Variants in G2E3 observed in about 807,000 individuals in gnomAD.
G2E3 encodes the protein G2/M-phase specific E3 ubiquitin protein ligase.
In G2E3, 35 loss-of-function variants were observed where a neutral mutation model predicts 92.8. That is an observed-to-expected ratio of 0.38 (90% CI 0.29 to 0.50). The LOEUF is 0.50. Among genes scored for constraint, G2E3 ranks in the 20% least tolerant of loss-of-function variants. The pLI is 0.94. For synonymous variants in G2E3, 242 were observed against 272.4 expected, an observed-to-expected ratio of 0.89 and a Z score of 1.10; for missense variants, 554 against 823.8, an observed-to-expected ratio of 0.67 and a Z score of 4.01.
chr14:30,563,372 ATAAAGCCCCATACCACT>A, intron 1 of G2E3, among the ~76,000 whole-genome samples: 1 of 152,154 alleles, frequency 6.6e-6, no homozygotes, highest in Admixed American at 6.5e-5. Flanking sequence ...TCTAAGGGAC[ATAAAGCCCCATACCACT>A]TAAAGTCCCA....
At chr14:30,573,618 A>G (rs896871973) in intron 1 of G2E3, 11 of 152,168 alleles carry the variant, frequency 7.2e-5, no homozygotes, top group African/African-American at 2.7e-4. Flanking sequence ...TATAGGTTCC[A>G]GTCCGGATCT....
intron 1 of G2E3, among the ~76,000 whole-genome samples, chr14:30,573,234 C>G (rs1439260857): frequency 1.3e-5 from 2 of 152,030 alleles, no homozygotes; most frequent in Non-Finnish European, 2.9e-5. Context: ...CATTGAATGT[C>G]TTTCTTCTAA....
At chr14:30,575,540 A>G (rs1880030276) in intron 1 of G2E3, among the ~76,000 whole-genome samples, 1 of 152,202 alleles carries the variant, frequency 6.6e-6, no homozygotes, top group Admixed American at 6.5e-5. Flanking sequence ...CAAGAGAAGG[A>G]AATAAAGGGC....
chr14:30,598,814 G>A (rs1313367778), intron 8 of G2E3, among the ~76,000 whole-genome samples: 5 of 152,106 alleles, frequency 3.3e-5, no homozygotes, highest in African/African-American at 7.2e-5. Context: ...GTCTTATCAC[G>A]AGACTATTTT....
intron 13 of G2E3, among the ~76,000 whole-genome samples, chr14:30,613,389 T>G (rs1882179498): frequency 6.6e-6 from 1 of 152,226 alleles, no homozygotes. Flanking sequence ...TAGTTACTAT[T>G]ACTACTGAAG....
chr14:30,597,379 A>G, intron 6 of G2E3, 41 bp from the exon 7 acceptor site: 2 of 964,222 alleles, frequency 2.1e-6, no homozygotes, highest in South Asian at 2.6e-5. Flanking sequence ...CTGATAACAG[A>G]TTTAAATCAT....
At chr14:30,610,224 G>A (rs1431045380) in intron 12 of G2E3, among the ~76,000 whole-genome samples, 1 of 152,172 alleles carries the variant, frequency 6.6e-6, no homozygotes, top group Non-Finnish European at 1.5e-5. Context: ...GTGAAGCAAA[G>A]TATCTGCCTT....
intron 1 of G2E3, among the ~76,000 whole-genome samples, chr14:30,575,138 C>G (rs1879998928): frequency 6.6e-6 from 1 of 152,086 alleles, no homozygotes; most frequent in African/African-American, 2.4e-5. Context: ...GAGATGGTAT[C>G]TCATTGTAGT....
chr14:30,568,846 A>G (rs1879590038), intron 1 of G2E3, among the ~76,000 whole-genome samples: 1 of 152,002 alleles, frequency 6.6e-6, no homozygotes, highest in South Asian at 2.1e-4. Flanking sequence ...GTGCAATAAT[A>G]CTACTGGCTT....
chr14:30,605,840 A>G (rs367755885), intron 11 of G2E3, 28 bp downstream of exon 11: 21 of 1,156,518 alleles, frequency 1.8e-5, no homozygotes, highest in Non-Finnish European at 2.5e-5. Context: ...TGTTGTATAT[A>G]CCAAATATCA....
At chr14:30,582,041 C>T (rs1301350324) in intron 2 of G2E3, among the ~76,000 whole-genome samples, 1 of 152,128 alleles carries the variant, frequency 6.6e-6, no homozygotes, top group Non-Finnish European at 1.5e-5. Flanking sequence ...GCTCCTAAAC[C>T]TCTTCTACTT....
chr14:30,579,196 T>C (rs918554584), intron 1 of G2E3, among the ~76,000 whole-genome samples: 1 of 152,024 alleles, frequency 6.6e-6, no homozygotes, highest in Non-Finnish European at 1.5e-5. Context: ...AATAAAGGAG[T>C]GCTCCTTTAA....
chr14:30,601,926 T>C (rs1027996434), intron 9 of G2E3, 32 bp downstream of exon 9: 6 of 1,604,628 alleles, frequency 3.7e-6, no homozygotes, highest in Middle Eastern at 1.6e-4. Context: ...ATAAAGTTTT[T>C]ATTCAAATGT....
At position 30,616,402 on chromosome 14, in the gene G2E3, A is replaced by G. The variant is rs985342360; in HGVS notation, c.1989A>G (p.Gly663=). 6.2e-7 allele frequency: 1 copy of G among 1,612,916 alleles called. No homozygotes were observed. The highest frequency in any genetic ancestry group is 8.5e-7 in the Non-Finnish European group (1 of 1,179,248). The change falls in exon 15 of 15, where the codon GGA becomes GGG. Residue 663 remains glycine (G), a synonymous_variant. Coordinates refer to ENST00000206595, the MANE Select transcript of G2E3 (RefSeq NM_017769.5). ...IECLHVDFPV[G]NKCNNCLAIP... ...GTCTGCATGTGGATTTTCCTGTTGG[A>G]AACAAGTGTAATAACTGTTTAGCAA...
Position 30,569,750 on chromosome 14 carries a change from A to G in G2E3, c.-5+10478A>G, listed in dbSNP as rs1594464236. Among the ~76,000 whole-genome samples the G allele has an allele frequency of 1.3e-5, 2 of 151,468 alleles. 1 individual carries two copies. Among genetic ancestry groups the G allele is most frequent in the Non-Finnish European group, 2.9e-5 (2 of 67,946 alleles). On this transcript the variant is annotated intron_variant, in intron 1 of 14. Coordinates refer to ENST00000206595, the MANE Select transcript of G2E3 (RefSeq NM_017769.5). ...TAGGACCAGCTGGTGAAGGGGGGGG[A>G]TTATATTACTTACTATCTGATAATC...
intron 1 of G2E3, among the ~76,000 whole-genome samples, chr14:30,576,192 T>C (rs1051767675): frequency 7.9e-5 from 12 of 152,068 alleles, no homozygotes; most frequent in African/African-American, 2.7e-4. Context: ...TGGAACAGAA[T>C]ACAGAGCCCA....
intron 1 of G2E3, chr14:30,560,067 C>T (rs971584193): frequency 6.7e-6 from 1 of 149,764 alleles, no homozygotes; most frequent in South Asian, 2.1e-4. Flanking sequence ...AAGTAATCCA[C>T]TAATGCTTTG....
intron 3 of G2E3, 149 bp downstream of exon 3, chr14:30,586,964 G>C: frequency 2.5e-6 from 1 of 401,586 alleles, no homozygotes; most frequent in East Asian, 3.8e-5. Context: ...TTTGTTTTTT[G>C]ATATTGAATT....
At chr14:30,561,121 G>A (rs1879073886) in intron 1 of G2E3, among the ~76,000 whole-genome samples, 1 of 152,172 alleles carries the variant, frequency 6.6e-6, no homozygotes, top group African/African-American at 2.4e-5. Context: ...CATAGCAAAT[G>A]ATACATAAGT....
Sources: gnomAD v4.1 joint callset for allele counts (sites outside exome capture counted in the v4.1 genomes callset) on GRCh38, gnomAD v4.1.1 for gene constraint, MANE v1.5 for transcripts, NCBI Gene and HGNC (gene_info 2026-07-23, HGNC 2026-07-21) for gene names.